Variants in SAMD13 observed in about 807,000 individuals in gnomAD.
SAMD13 encodes sterile alpha motif domain-containing protein 13.
A neutral mutation model predicts 12.4 loss-of-function variants in SAMD13; 9 were observed. That is an observed-to-expected ratio of 0.72 (90% CI 0.44 to 1.26). The LOEUF is 1.26. Among genes scored for constraint, SAMD13 ranks in the 50% most tolerant of loss-of-function variants. The pLI, the probability that SAMD13 is intolerant of heterozygous loss-of-function variation, is 0.00. For missense variants in SAMD13, 84 were observed against 119.6 expected (o/e 0.70, Z 1.39); for synonymous variants, 46 against 45.4 (o/e 1.01, Z -0.05).
At chr1:84,331,465 A>G (rs1411854640) in intron 3 of SAMD13, among the ~76,000 whole-genome samples, 1 of 151,866 alleles carries the variant, frequency 6.6e-6, no homozygotes, top group Non-Finnish European at 1.5e-5. Flanking sequence ...GAATAACTTG[A>G]TTTACTTCAT....
intron 2 of SAMD13, among the ~76,000 whole-genome samples, chr1:84,320,086 C>G (rs922837852): frequency 6.6e-6 from 1 of 152,180 alleles, no homozygotes; most frequent in African/African-American, 2.4e-5. Flanking sequence ...CCGAGATTAT[C>G]GTCTTCATTA....
chr1:84,309,861 C>T (rs549261845), intron 2 of SAMD13, among the ~76,000 whole-genome samples: 75 of 152,124 alleles, frequency 4.9e-4, no homozygotes, highest in Middle Eastern at 3.4e-3. Flanking sequence ...ATTATAATGA[C>T]GTACCCATTC....
upstream of SAMD13, chr1:84,299,412 A>G (rs77465459): frequency 5.5e-4 from 157 of 284,880 alleles, 1 homozygote; most frequent in Non-Finnish European, 9.7e-4. Flanking sequence ...CAGGATCTCT[A>G]AAGTTATTTC....
intron 3 of SAMD13, among the ~76,000 whole-genome samples, chr1:84,339,626 C>T (rs315532): frequency 0.81 from 123,802 of 152,092 alleles, 51,701 homozygotes; most frequent in Non-Finnish European, 0.92. Context: ...CAGAGTTTCA[C>T]TGGGGCAGTG....
chr1:84,345,904 A>G (rs1203511159), intron 3 of SAMD13, among the ~76,000 whole-genome samples: 1 of 152,154 alleles, frequency 6.6e-6, no homozygotes, highest in African/African-American at 2.4e-5. Context: ...GGGTCTCACT[A>G]TGTTGCCCAG....
intron 3 of SAMD13, among the ~76,000 whole-genome samples, chr1:84,342,693 T>C (rs1251177459): frequency 6.6e-6 from 1 of 152,094 alleles, no homozygotes; most frequent in Non-Finnish European, 1.5e-5. Context: ...TTACACCTTA[T>C]ACAAAATTAA....
In SAMD13 at chr1:84,304,370, A is replaced by G. The variant is rs571649160; in HGVS notation, c.53+1083A>G. The G allele has an allele frequency of 3.9e-5, 6 of 152,260 alleles. 1 individual carries two copies. The highest frequency in any genetic ancestry group is 2.1e-4 in the South Asian group (1 of 4,822). The allele number at this position is 152,260 out of a possible 1,614,324, so 9.4% of individuals were successfully genotyped here. ...CAACAGTACTTTCAACAATGATGGA[A>G]ATGTTCTGTATTTGTGCTGTCTAAA... On this transcript the variant is annotated intron_variant, in intron 2 of 3. Coordinates refer to ENST00000394834, the MANE Select transcript of SAMD13 (RefSeq NM_001134663.2).
Position 84,347,018 on chromosome 1 carries a change from C to G in SAMD13, c.166-2613C>G, listed in dbSNP as rs114350650. On this transcript the variant is annotated intron_variant, in intron 3 of 3. Coordinates refer to ENST00000394834, the MANE Select transcript of SAMD13 (RefSeq NM_001134663.2). ...TACATGTCAGGCACTGTGTGCGGTGCTTTGCATCCAGCATTTCTAATCCCT... is the reference window on the plus strand; with the variant it reads ...TACATGTCAGGCACTGTGTGCGGTGGTTTGCATCCAGCATTTCTAATCCCT... 6.6e-3 allele frequency among the ~76,000 whole-genome samples: 1,006 copies of G among 152,286 alleles called. 5 individuals are homozygous for G. Among genetic ancestry groups the G allele is most frequent in the Middle Eastern group, 0.014 (4 of 294 alleles).
At chr1:84,311,476 T>G (rs1211109075) in intron 2 of SAMD13, among the ~76,000 whole-genome samples, 1 of 152,224 alleles carries the variant, frequency 6.6e-6, no homozygotes. Flanking sequence ...CAACGTGCAT[T>G]GGCAAAGAAC....
At chr1:84,349,382 A>T (rs1246777793) in intron 3 of SAMD13, among the ~76,000 whole-genome samples, 3 of 152,220 alleles carry the variant, frequency 2.0e-5, no homozygotes, top group Non-Finnish European at 4.4e-5. Flanking sequence ...CTGTTTTTTA[A>T]GATGTGATGT....
chr1:84,298,582 T>A, upstream of SAMD13: 1 of 1,285,708 alleles, frequency 7.8e-7, no homozygotes, highest in Non-Finnish European at 9.9e-7. Context: ...GTGATCTGCC[T>A]GTGCGCCCAG....
At chr1:84,312,620 A>T (rs1678739834) in intron 2 of SAMD13, among the ~76,000 whole-genome samples, 1 of 152,108 alleles carries the variant, frequency 6.6e-6, no homozygotes, top group Non-Finnish European at 1.5e-5. Context: ...CAAACGGGGG[A>T]TGTACTACCA....
chr1:84,347,288 A>C (rs1314471604), intron 3 of SAMD13, among the ~76,000 whole-genome samples: 1 of 152,228 alleles, frequency 6.6e-6, no homozygotes. Flanking sequence ...CAACATTTCT[A>C]AAATGAGGAT....
chr1:84,309,699 A>G (rs546187140), intron 2 of SAMD13, among the ~76,000 whole-genome samples: 1 of 152,316 alleles, frequency 6.6e-6, no homozygotes, highest in Admixed American at 6.5e-5. Flanking sequence ...CAATAGTAAT[A>G]ACCAATAAAT....
upstream of SAMD13, among the ~76,000 whole-genome samples, chr1:84,301,322 A>C (rs2101782924): frequency 6.6e-6 from 1 of 152,374 alleles, no homozygotes; most frequent in South Asian, 2.1e-4. Flanking sequence ...GCCCATAAGC[A>C]CTGGCTTCTC....
intron 3 of SAMD13, 127 bp from the exon 4 acceptor site, chr1:84,349,504 A>G (rs1361602154): frequency 1.2e-5 from 18 of 1,455,718 alleles, no homozygotes; most frequent in East Asian, 2.3e-5. Context: ...TTTTGGCACT[A>G]CTACAAATGT....
chr1:84,342,308 G>C (rs899485324), intron 3 of SAMD13, among the ~76,000 whole-genome samples: 9 of 152,172 alleles, frequency 5.9e-5, no homozygotes, highest in Middle Eastern at 3.4e-3. Context: ...ATTTTGAAAA[G>C]GCTAACATTG....
chr1:84,318,282 A>G (rs1678876005), intron 2 of SAMD13, among the ~76,000 whole-genome samples: 1 of 151,478 alleles, frequency 6.6e-6, no homozygotes, highest in African/African-American at 2.4e-5. Flanking sequence ...CTTCTGTTTC[A>G]TTTCATAAGT....
intron 3 of SAMD13, among the ~76,000 whole-genome samples, chr1:84,346,313 C>T (rs957955548): frequency 1.1e-4 from 16 of 152,244 alleles, no homozygotes; most frequent in African/African-American, 3.9e-4. Context: ...CCTATCATCT[C>T]GGAACTTTAC....
Sources: gnomAD v4.1 joint callset for allele counts (sites outside exome capture counted in the v4.1 genomes callset) on GRCh38, gnomAD v4.1.1 for gene constraint, MANE v1.5 for transcripts, NCBI Gene and HGNC (gene_info 2026-07-23, HGNC 2026-07-21) for gene names.